KCNAB1: variants seen among roughly 807,000 people sequenced by gnomAD.
KCNAB1 encodes voltage-gated potassium channel subunit beta-1.
KCNAB1 carries 35 observed loss-of-function variants against 64.6 expected under a neutral mutation model. The observed-to-expected ratio is 0.54, with a 90% CI of 0.41 to 0.72. KCNAB1 has a LOEUF of 0.72. KCNAB1 is among the 30% of genes least tolerant of loss of function. The pLI is 0.00. For missense variants in KCNAB1, 401 were observed against 512.9 expected, an observed-to-expected ratio of 0.78 and a Z score of 2.11; for synonymous variants, 177 against 183.8, an observed-to-expected ratio of 0.96 and a Z score of 0.30.
At chr3:156,167,996 A>T (rs930721502) in intron 1 of KCNAB1, among the ~76,000 whole-genome samples, 1 of 152,150 alleles carries the variant, frequency 6.6e-6, no homozygotes, top group African/African-American at 2.4e-5. Flanking sequence ...TAAGCTCAGG[A>T]GTTAGAGACC....
Position 156,515,099 on chromosome 3 carries a change from G to A in KCNAB1, c.745-1G>A. 6.2e-7 allele frequency: 1 copy of A among 1,600,228 alleles called. No homozygotes were observed. On this transcript the variant is annotated splice_acceptor_variant, in intron 9 of 13. Coordinates refer to ENST00000490337, the MANE Select transcript of KCNAB1 (RefSeq NM_172160.3). LOFTEE classifies it high-confidence loss of function. ...TTGGTTGTAATCTCATTCCTCCCTA[G>A]GAAGCCTATTCTGTAGCAAGACAGT...
At chr3:156,245,538 A>C (rs1717404697) in intron 1 of KCNAB1, among the ~76,000 whole-genome samples, 1 of 121,870 alleles carries the variant, frequency 8.2e-6, no homozygotes, top group Non-Finnish European at 2.0e-5. Context: ...GTGTGTATTT[A>C]CTTCTATGCA....
chr3:156,521,587 TG>T (rs998924139), intron 11 of KCNAB1, among the ~76,000 whole-genome samples: 3 of 152,212 alleles, frequency 2.0e-5, no homozygotes, highest in African/African-American at 7.2e-5. Context: ...AGAATAGGGT[TG>T]GATGAGGAGA....
chr3:156,381,167 G>A (rs1053072288), intron 1 of KCNAB1, among the ~76,000 whole-genome samples: 5 of 152,120 alleles, frequency 3.3e-5, no homozygotes, highest in Admixed American at 1.3e-4. Flanking sequence ...AGAGCCATTA[G>A]ACCACAGATG....
At chr3:156,457,903 G>A (rs571419397) in intron 4 of KCNAB1, among the ~76,000 whole-genome samples, 1 of 152,282 alleles carries the variant, frequency 6.6e-6, no homozygotes, top group South Asian at 2.1e-4. Context: ...TTCCAAAATG[G>A]TTGCTCAAAA....
At chr3:156,480,374 G>A (rs1714700363) in intron 8 of KCNAB1, among the ~76,000 whole-genome samples, 1 of 151,782 alleles carries the variant, frequency 6.6e-6, no homozygotes. Context: ...ATCGGGGCCC[G>A]TTGTGGGGTG....
intron 1 of KCNAB1, among the ~76,000 whole-genome samples, chr3:156,184,917 C>A (rs1176596275): frequency 1.3e-5 from 2 of 152,152 alleles, no homozygotes; most frequent in Non-Finnish European, 2.9e-5. Flanking sequence ...GCTCCAGATC[C>A]AGTCAATACT....
At chr3:156,403,322 G>A (rs1480836745) in intron 1 of KCNAB1, among the ~76,000 whole-genome samples, 1 of 152,150 alleles carries the variant, frequency 6.6e-6, no homozygotes, top group Non-Finnish European at 1.5e-5. Flanking sequence ...ATTATTCTGG[G>A]CATCCAAGGA....
At chr3:156,392,619 C>G (rs7619720) in intron 1 of KCNAB1, among the ~76,000 whole-genome samples, 47,202 of 152,092 alleles carry the variant, frequency 0.31, 9,750 homozygotes, top group African/African-American at 0.59. Flanking sequence ...ATGTGGTGTA[C>G]AATTTTTGAA....
chr3:156,230,198 C>T (rs1301165540), intron 1 of KCNAB1, among the ~76,000 whole-genome samples: 1 of 152,098 alleles, frequency 6.6e-6, no homozygotes, highest in Non-Finnish European at 1.5e-5. Flanking sequence ...AGTCATGTAC[C>T]ACATAATGAC....
intron 1 of KCNAB1, among the ~76,000 whole-genome samples, chr3:156,162,969 G>C (rs1007465805): frequency 4.6e-5 from 7 of 152,158 alleles, no homozygotes; most frequent in African/African-American, 1.7e-4. Context: ...GTGCTCTGAA[G>C]TCCGTAACTA....
At chr3:156,205,302 T>C (rs1560135614) in intron 1 of KCNAB1, among the ~76,000 whole-genome samples, 1 of 152,214 alleles carries the variant, frequency 6.6e-6, no homozygotes, top group Non-Finnish European at 1.5e-5. Flanking sequence ...ATTTTTGGTT[T>C]CCGTGTTTTA....
chr3:156,356,591 T>C (rs112733242), intron 1 of KCNAB1, among the ~76,000 whole-genome samples: 227 of 152,284 alleles, frequency 1.5e-3, no homozygotes, highest in African/African-American at 4.5e-3. Context: ...ATTTTTCAAA[T>C]TTAGAAATTA....
intron 1 of KCNAB1, among the ~76,000 whole-genome samples, chr3:156,193,283 A>G (rs1713683453): frequency 6.6e-6 from 1 of 152,178 alleles, no homozygotes. Flanking sequence ...TAGAAACCAT[A>G]CTTTGAGTAC....
intron 1 of KCNAB1, among the ~76,000 whole-genome samples, chr3:156,396,279 T>C (rs1338957618): frequency 1.3e-5 from 2 of 152,202 alleles, no homozygotes; most frequent in African/African-American, 4.8e-5. Flanking sequence ...CAGATAAATG[T>C]TTTAACATAT....
intron 1 of KCNAB1, among the ~76,000 whole-genome samples, chr3:156,153,085 A>G (rs1319724464): frequency 1.6e-5 from 2 of 121,680 alleles, no homozygotes; most frequent in African/African-American, 6.2e-5. Flanking sequence ...AGAGCTCAAT[A>G]AATATTTGCT....
intron 1 of KCNAB1, among the ~76,000 whole-genome samples, chr3:156,306,001 G>A (rs1439693065): frequency 6.6e-6 from 1 of 152,122 alleles, no homozygotes; most frequent in Non-Finnish European, 1.5e-5. Context: ...TACAAAGAGG[G>A]GGCAATGGAA....
rs146498869 is a variant in KCNAB1 at position 156,190,999 on chromosome 3, T to C, written c.275+70113T>C. On this transcript the variant is annotated intron_variant, in intron 1 of 13. Coordinates refer to ENST00000490337, the MANE Select transcript of KCNAB1 (RefSeq NM_172160.3). ...TGAACTACTGTGTGTTTTTAAATAA[T>C]AAAAATACAAGACAGAGTGGTAATA... Among the ~76,000 whole-genome samples the C allele has an allele frequency of 4.5e-4, 68 of 152,298 alleles. No homozygotes were observed. The East Asian group carries it at 0.013, about 29-fold the overall frequency.
intron 8 of KCNAB1, among the ~76,000 whole-genome samples, chr3:156,480,266 G>A (rs1191843859): frequency 6.6e-6 from 1 of 151,982 alleles, no homozygotes; most frequent in Non-Finnish European, 1.5e-5. Flanking sequence ...TTATCAGGGA[G>A]CTGTCCAATA....
Sources: gnomAD v4.1 joint callset for allele counts (sites outside exome capture counted in the v4.1 genomes callset) on GRCh38, gnomAD v4.1.1 for gene constraint, MANE v1.5 for transcripts, NCBI Gene and HGNC (gene_info 2026-07-23, HGNC 2026-07-21) for gene names.